Variants in HERC6 observed in about 807,000 individuals in gnomAD.
The protein encoded by HERC6 is probable E3 ubiquitin-protein ligase HERC6.
A neutral mutation model predicts 114.5 loss-of-function variants in HERC6; 101 were observed. The ratio of observed to expected loss-of-function variants is 0.88; its 90% CI spans 0.75 to 1.04. The LOEUF (loss-of-function observed/expected upper bound fraction) is 1.04. Ranked by LOEUF, HERC6 falls within the 50% of genes least tolerant of loss-of-function variation. HERC6 has a pLI of 0.00. For missense variants in HERC6, 1,133 were observed against 1,230.9 expected (o/e 0.92, Z 1.19); for synonymous variants, 408 against 436.2 (o/e 0.94, Z 0.81).
chr4:88,427,048 A>G (rs559485781), intron 15 of HERC6, among the ~76,000 whole-genome samples: 2 of 152,186 alleles, frequency 1.3e-5, no homozygotes, highest in South Asian at 2.1e-4. Flanking sequence ...TGAATAATGG[A>G]CTCGGGCAGA....
intron 6 of HERC6, among the ~76,000 whole-genome samples, 187 bp from the exon 7 acceptor site, chr4:88,396,664 T>C (rs959390669): frequency 2.2e-4 from 34 of 152,260 alleles, no homozygotes; most frequent in African/African-American, 7.7e-4. Context: ...TAAGTTAATA[T>C]TGACTGACCG....
chr4:88,424,565 T>C lies in HERC6; in HGVS notation c.1828-30T>C, dbSNP rs746857903. The C allele has an allele frequency of 2.7e-6, 4 of 1,471,024 alleles. No individual in the cohort carries two copies. The South Asian group carries it at 4.8e-5, about 18-fold the overall frequency. The allele number at this position is 1,471,024 out of a possible 1,614,324, so 91.1% of individuals were successfully genotyped here. ...AGTTTTTTTTCATTGTTTTTAATTATCAAAACTATTATCTCTGTTTATTTT... is the reference window on the plus strand; with the variant it reads ...AGTTTTTTTTCATTGTTTTTAATTACCAAAACTATTATCTCTGTTTATTTT... On this transcript the variant is annotated intron_variant, in intron 14 of 22. Coordinates refer to ENST00000264346, the MANE Select transcript of HERC6 (RefSeq NM_017912.4).
chr4:88,433,165 G>A (rs1270779577), intron 17 of HERC6, among the ~76,000 whole-genome samples: 1 of 152,138 alleles, frequency 6.6e-6, no homozygotes, highest in Admixed American at 6.5e-5. Context: ...GTATGAAATT[G>A]TAATTTCATA....
intron 3 of HERC6, among the ~76,000 whole-genome samples, chr4:88,387,268 G>A (rs1038284713): frequency 2.0e-5 from 3 of 152,166 alleles, no homozygotes; most frequent in Non-Finnish European, 4.4e-5. Context: ...ATGGTGGTAT[G>A]CACCTGTAGT....
chr4:88,437,039 A>G lies in HERC6; in HGVS notation c.2484+68A>G, dbSNP rs1186641360. ...GTTTCTAAAAAATAATTTTTATTAT[A>G]GTATCTTAAATTTGGGATCCCTTTT... On this transcript the variant is annotated intron_variant, in intron 19 of 22. Coordinates refer to ENST00000264346, the MANE Select transcript of HERC6 (RefSeq NM_017912.4). 7 of 1,159,342 alleles carry G rather than the reference A, an allele frequency of 6.0e-6. No homozygotes were observed. The African/African-American group carries it at 8.0e-5, about 13-fold the overall frequency. The allele number at this position is 1,159,342 out of a possible 1,614,324, so 71.8% of individuals were successfully genotyped here. A position where few individuals can be genotyped will look rare whatever the true frequency, so the allele number is the denominator to read the frequency against.
chr4:88,412,961 T>C (rs1309477715), intron 11 of HERC6, 116 bp from the exon 12 acceptor site: 1 of 727,106 alleles, frequency 1.4e-6, no homozygotes, highest in Admixed American at 2.6e-5. Context: ...AATGGCTAAG[T>C]GATTATTCTA....
At chr4:88,397,051 A>G (rs1735273535) in intron 7 of HERC6, 64 bp downstream of exon 7, 1 of 1,447,126 alleles carries the variant, frequency 6.9e-7, no homozygotes, top group Non-Finnish European at 9.4e-7. Context: ...ACTAGTATTC[A>G]GCTTCCTTTC....
At chr4:88,414,453 G>C (rs1014937087) in intron 12 of HERC6, among the ~76,000 whole-genome samples, 3 of 152,050 alleles carry the variant, frequency 2.0e-5, no homozygotes, top group Non-Finnish European at 2.9e-5. Context: ...TCCCAAACAA[G>C]GGTTCTTAGA....
At chr4:88,390,456 T>C (rs1734846952) in intron 3 of HERC6, among the ~76,000 whole-genome samples, 196 bp from the exon 4 acceptor site, 1 of 152,234 alleles carries the variant, frequency 6.6e-6, no homozygotes, top group African/African-American at 2.4e-5. Flanking sequence ...GATATGTTAA[T>C]TAGCTGATTG....
chr4:88,393,513 C>A lies in HERC6; in HGVS notation c.690C>A (p.Val230=). 6.2e-7 allele frequency: 1 copy of A among 1,611,546 alleles called. No homozygotes were observed. The highest frequency in any genetic ancestry group is 1.1e-5 in the South Asian group (1 of 90,672). Residue 230 remains valine (V), a synonymous_variant, in exon 5 of 23, where the codon GTC becomes GTA. Transcript: ENST00000264346. ...TGCAAAGCAACAAGCCTCTCTCAGT[C>A]GGTGCACTGAAGAATCTAGGTGTGG... ...VPVQSNKPLS[V]GALKNLGVVY...
At chr4:88,417,603 C>A in intron 13 of HERC6, 24 bp downstream of exon 13, 1 of 1,590,360 alleles carries the variant, frequency 6.3e-7, no homozygotes, top group Non-Finnish European at 8.6e-7. Context: ...TAAAGGAATG[C>A]ATGTACTATT....
rs201441201 is a variant in HERC6, at chr4:88,390,668, G to A, written c.453G>A (p.Ser151=). 201 of 1,602,334 alleles carry A rather than the reference G, an allele frequency of 1.3e-4. No homozygotes were observed. The highest frequency in any genetic ancestry group is 1.1e-3 in the East Asian group (50 of 44,578). ...LALSKDSQVF[S]WGKNSHGQLG... Reference sequence around the variant, plus strand: ...TTGTTGTAGATAGCCAAGTGTTTTCGTGGGGAAAGAACAGCCATGGGCAGC... The same window carrying A: ...TTGTTGTAGATAGCCAAGTGTTTTCATGGGGAAAGAACAGCCATGGGCAGC... The change falls in exon 4 of 23, where the codon TCG becomes TCA. Residue 151 remains serine (S), a synonymous_variant. Transcript: ENST00000264346.
intron 16 of HERC6, 77 bp downstream of exon 16, chr4:88,428,827 G>T (rs770554886): frequency 3.3e-6 from 4 of 1,220,536 alleles, no homozygotes; most frequent in Non-Finnish European, 4.4e-6. Context: ...AATGCTCTCT[G>T]AAAAGAGCCT....
intron 2 of HERC6, among the ~76,000 whole-genome samples, chr4:88,384,242 CTT>C (rs1734466517): frequency 6.6e-6 from 1 of 152,170 alleles, no homozygotes; most frequent in Non-Finnish European, 1.5e-5. Flanking sequence ...ATATATAAAA[CTT>C]TACTTTGGGA....
chr4:88,397,363 C>G (rs539001060), intron 7 of HERC6, among the ~76,000 whole-genome samples: 1 of 151,884 alleles, frequency 6.6e-6, no homozygotes, highest in Non-Finnish European at 1.5e-5. Context: ...CCACCAGCCT[C>G]GGCCTCCTAA....
chr4:88,402,254 T>C (rs1211048967), intron 8 of HERC6, among the ~76,000 whole-genome samples: 1 of 152,224 alleles, frequency 6.6e-6, no homozygotes, highest in Non-Finnish European at 1.5e-5. Flanking sequence ...AACATCCAGC[T>C]TCTCACCTGT....
chr4:88,404,193 C>CTTTTT (rs202005015), intron 8 of HERC6, among the ~76,000 whole-genome samples: 11 of 137,132 alleles, frequency 8.0e-5, no homozygotes, highest in African/African-American at 8.0e-5. Context: ...AATTTCATTT[C>CTTTTT]TTTTTTTTTT....
In HERC6 at chr4:88,408,401, G is replaced by A. The variant is rs1442192232; in HGVS notation, c.1275-123G>A. ...GTCAAGTAAGTTGATTATTTTGAAA[G>A]GAGGTAAGCTTTAAGAAAAAGGTTT... On this transcript the variant is annotated intron_variant, in intron 10 of 22. Coordinates refer to ENST00000264346, the MANE Select transcript of HERC6 (RefSeq NM_017912.4). 33 of 682,066 alleles carry A rather than the reference G, an allele frequency of 4.8e-5. No individual in the cohort carries two copies. In the Admixed American group the frequency reaches 8.6e-4, roughly 18 times the overall value. The allele number at this position is 682,066 out of a possible 1,614,324, so 42.3% of individuals were successfully genotyped here.
intron 4 of HERC6, among the ~76,000 whole-genome samples, chr4:88,392,880 C>T (rs1157867151): frequency 3.9e-5 from 6 of 152,226 alleles, no homozygotes; most frequent in Non-Finnish European, 5.9e-5. Flanking sequence ...AACCAATGAA[C>T]TTGTTTCGAA....
Sources: gnomAD v4.1 joint callset for allele counts (sites outside exome capture counted in the v4.1 genomes callset) on GRCh38, gnomAD v4.1.1 for gene constraint, MANE v1.5 for transcripts, NCBI Gene and HGNC (gene_info 2026-07-23, HGNC 2026-07-21) for gene names.